Variants in TUB observed in about 807,000 individuals in gnomAD.
TUB encodes the protein tubby protein homolog.
A neutral mutation model predicts 59.7 loss-of-function variants in TUB; 33 were observed. The observed-to-expected ratio is 0.55, with a 90% CI of 0.42 to 0.74. The LOEUF is 0.74. TUB is among the 30% of genes least tolerant of loss of function. TUB has a pLI of 0.00. For missense variants in TUB, 659 were observed against 672.0 expected, an observed-to-expected ratio of 0.98 and a Z score of 0.21; for synonymous variants, 293 against 256.4, an observed-to-expected ratio of 1.14 and a Z score of -1.36.
chr11:8,029,311 G>A (rs1479214662), intron 1 of TUB, among the ~76,000 whole-genome samples: 1 of 151,866 alleles, frequency 6.6e-6, no homozygotes, highest in East Asian at 1.9e-4. Context: ...TTTACCTTTC[G>A]AGGAGAACTT....
rs1307316813 is a variant in TUB, at chr11:8,101,851, T to C, written c.*232T>C. On this transcript the variant is annotated 3_prime_UTR_variant, in exon 12 of 12. Transcript: ENST00000299506. ...GTGTGAAGGGATGAGAATAATTCTTTCCATGCCACGAGATCAACACACACT... is the reference window on the plus strand; with the variant it reads ...GTGTGAAGGGATGAGAATAATTCTTCCCATGCCACGAGATCAACACACACT... 7 of 496,178 alleles carry C rather than the reference T, an allele frequency of 1.4e-5. No homozygotes were observed. The highest frequency in any genetic ancestry group is 8.5e-5 in the Admixed American group (2 of 23,392). The allele number at this position is 496,178 out of a possible 1,614,324, so 30.7% of individuals were successfully genotyped here. A position where few individuals can be genotyped will look rare whatever the true frequency, so the allele number is the denominator to read the frequency against.
In TUB at chr11:8,061,602, C is replaced by G. The variant is rs1461295590; in HGVS notation, c.203+21910C>G. On this transcript the variant is annotated intron_variant, in intron 2 of 12. Transcript: ENST00000305253. Reference sequence around the variant, plus strand: ...AAGAGTAGGACGAGGACAGTCGGCTCAGAGGGGACAGAGATCTTGCTAGTT... The same window carrying G: ...AAGAGTAGGACGAGGACAGTCGGCTGAGAGGGGACAGAGATCTTGCTAGTT... Among the ~76,000 whole-genome samples, 5 of 152,204 alleles carry G rather than the reference C, an allele frequency of 3.3e-5. 1 individual carries two copies. Among genetic ancestry groups the G allele is most frequent in the African/African-American group, 1.2e-4 (5 of 41,518 alleles).
At chr11:8,078,041 T>C (rs563359574), upstream of TUB, among the ~76,000 whole-genome samples, 162 of 152,268 alleles carry the variant, frequency 1.1e-3, 1 homozygote, top group African/African-American at 3.7e-3. Context: ...AATAAAAATG[T>C]CACCTTAAGT....
chr11:8,038,522 C>A, upstream of TUB: 1 of 878,808 alleles, frequency 1.1e-6, no homozygotes, highest in Non-Finnish European at 1.4e-6. Context: ...CCGCAGTGCA[C>A]TTGTCTCTGC....
chr11:8,043,035 A>G (rs972560897), intron 2 of TUB, among the ~76,000 whole-genome samples: 1 of 152,058 alleles, frequency 6.6e-6, no homozygotes, highest in Non-Finnish European at 1.5e-5. Context: ...ATTTTTGCCT[A>G]TGTTTTCTTC....
chr11:8,051,051 T>C (rs1485211559), intron 2 of TUB, among the ~76,000 whole-genome samples: 2 of 151,734 alleles, frequency 1.3e-5, no homozygotes, highest in African/African-American at 4.8e-5. Context: ...GCCCGGGGAG[T>C]GGAGTAGTGA....
rs374034236 is a variant in TUB at position 8,100,949 on chromosome 11, G to A, written c.1339G>A (p.Val447Ile). The change falls in exon 11 of 12, where the codon GTC becomes ATC. Residue 447 changes from valine to isoleucine, a missense_variant. Val to Ile is a conservative substitution (Grantham distance 29). This residue lies in a region of TUB where 226 missense variants were observed against 210.8 expected (regional missense o/e 1.07). Transcript: ENST00000299506. ...QSYVLNFHGR[V>I]TQASVKNFQI... is the part of the protein sequence containing the mutation. ...CTATGTACTCAACTTCCATGGGCGC[G>A]TCACACAGGCCTCCGTGAAGAACTT... is the stretch of plus-strand genomic sequence containing the variant. 90 of 1,614,000 alleles carry A rather than the reference G, an allele frequency of 5.6e-5. No homozygotes were observed. The highest frequency in any genetic ancestry group is 1.0e-4 in the Admixed American group (6 of 59,998).
In TUB at chr11:8,089,720, G is replaced by A; in HGVS notation, c.90+59G>A. The A allele has an allele frequency of 3.7e-6, 6 of 1,601,392 alleles. No individual in the cohort carries two copies. In the South Asian group the frequency reaches 6.6e-5, roughly 18 times the overall value. On this transcript the variant is annotated intron_variant, in intron 2 of 11. Transcript: ENST00000299506. ...GTCTGGGCTGGGATCTCTGAGGGCA[G>A]AGGGGCAGGGCTGTCCATCTTCCCT...
At chr11:8,044,677 G>A (rs1942802347) in intron 2 of TUB, among the ~76,000 whole-genome samples, 1 of 152,208 alleles carries the variant, frequency 6.6e-6, no homozygotes, top group Admixed American at 6.5e-5. Context: ...AGACCCCACA[G>A]TTTAAGGGCT....
exon 1 of TUB, chr11:8,038,744 T>C: frequency 6.7e-7 from 1 of 1,503,754 alleles, no homozygotes; most frequent in Admixed American, 2.3e-5. Flanking sequence ...GTTGCCACGG[T>C]GATGAAGGGA....
chr11:8,097,127 C>G, intron 6 of TUB, 101 bp from the exon 7 acceptor site: 1 of 1,344,942 alleles, frequency 7.4e-7, no homozygotes, highest in Non-Finnish European at 1.0e-6. Context: ...ATCCTTCCCT[C>G]TCTCCCACCG....
intron 5 of TUB, among the ~76,000 whole-genome samples, chr11:8,096,041 A>G (rs762165283): frequency 1.3e-5 from 2 of 152,242 alleles, no homozygotes; most frequent in Non-Finnish European, 2.9e-5. Flanking sequence ...CCCCTGGTGC[A>G]GGGTGGCAGA....
At position 8,098,778 on chromosome 11, in the gene TUB, A is replaced by G. The variant is rs1473675806; in HGVS notation, c.1019A>G (p.Lys340Arg). The part of the protein sequence containing the change: ...GKLRSNLMGT[K>R]FTVYDNGVNP... ...TTCAGGTCCAACTTGATGGGCACCA[A>G]GTTCACTGTTTATGACAATGGAGTC... is the stretch of plus-strand genomic sequence containing the variant. Residue 340 changes from lysine (K) to arginine (R), a missense_variant, in exon 9 of 12, where the codon AAG (lysine) becomes AGG (arginine). Lys to Arg is a conservative substitution (Grantham distance 26). Coordinates refer to ENST00000299506, the MANE Select transcript of TUB (RefSeq NM_177972.3). The G allele has an allele frequency of 6.2e-7, 1 of 1,614,066 alleles. No individual in the cohort carries two copies.
At chr11:8,046,203 C>T (rs1310883308) in intron 2 of TUB, among the ~76,000 whole-genome samples, 2 of 152,152 alleles carry the variant, frequency 1.3e-5, no homozygotes, top group Non-Finnish European at 2.9e-5. Flanking sequence ...TTTGTTTGTT[C>T]TCTTTCCTCA....
At chr11:8,096,271 C>T (rs898190823) in intron 5 of TUB, among the ~76,000 whole-genome samples, 2 of 152,188 alleles carry the variant, frequency 1.3e-5, no homozygotes, top group Admixed American at 6.5e-5. Flanking sequence ...TGGCAGATTC[C>T]GTGGTCTATG....
At chr11:8,023,365 T>C (rs1452831242) in intron 1 of TUB, among the ~76,000 whole-genome samples, 6 of 152,224 alleles carry the variant, frequency 3.9e-5, no homozygotes, top group South Asian at 4.1e-4. Context: ...TACCAAAATA[T>C]GATGCCTACA....
At chr11:8,083,152 C>T (rs6578924) in intron 1 of TUB, among the ~76,000 whole-genome samples, 151,865 of 152,310 alleles carry the variant, frequency 1, 75,715 homozygotes, top group Middle Eastern at 1. Context: ...CCCCATGGAG[C>T]GTCATCAACC....
intron 1 of TUB, chr11:8,039,631 C>G: frequency 6.8e-7 from 1 of 1,478,302 alleles, no homozygotes; most frequent in Non-Finnish European, 9.0e-7. Flanking sequence ...GTCACCCCTT[C>G]TTTTCCTCCT....
chr11:8,094,093 C>G lies in TUB; in HGVS notation c.301C>G (p.Pro101Ala), dbSNP rs1384486878. Residue 101 changes from proline (P) to alanine (A), a missense_variant, in exon 4 of 12, where the codon CCA (proline) becomes GCA (alanine). Pro to Ala is a conservative substitution (Grantham distance 27). Transcript: ENST00000299506. The stretch of plus-strand genomic sequence containing the variant: ...CAGTGTGCAGCTGGGAGCCACGCGC[C>G]CAACAGCACCAGCTTCAGCCAAGAG... ...LASVQLGATR[P>A]TAPASAKRTK... is the part of the protein sequence containing the mutation. 2 of 1,614,174 alleles carry G rather than the reference C, an allele frequency of 1.2e-6. No individual in the cohort carries two copies. Among genetic ancestry groups the G allele is most frequent in the Non-Finnish European group, 1.7e-6 (2 of 1,180,030 alleles).
Sources: gnomAD v4.1 joint callset for allele counts (sites outside exome capture counted in the v4.1 genomes callset) on GRCh38, gnomAD v4.1.1 for gene constraint, gnomAD v4.1.1 regional missense constraint, MANE v1.5 for transcripts, NCBI Gene and HGNC (gene_info 2026-07-23, HGNC 2026-07-21) for gene names.